ARHGAP10: variants seen among roughly 807,000 people sequenced by gnomAD.
ARHGAP10 encodes rho GTPase-activating protein 10.
ARHGAP10 carries 87 observed loss-of-function variants against 108.6 expected under a neutral mutation model. The ratio of observed to expected loss-of-function variants is 0.80; its 90% CI spans 0.67 to 0.96. The LOEUF is 0.96. ARHGAP10 is among the 40% of genes least tolerant of loss of function. ARHGAP10 has a pLI of 0.00. For missense variants in ARHGAP10, 939 were observed against 954.5 expected, an observed-to-expected ratio of 0.98 and a Z score of 0.21; for synonymous variants, 347 against 341.1, an observed-to-expected ratio of 1.02 and a Z score of -0.19.
At chr4:147,854,091 CT>C (rs754892950) in intron 4 of ARHGAP10, among the ~76,000 whole-genome samples, 2 of 151,726 alleles carry the variant, frequency 1.3e-5, no homozygotes, top group Admixed American at 6.6e-5. Context: ...TAACGTATGT[CT>C]TTTTTTTGAC....
At chr4:147,781,533 T>G (rs2126730227) in intron 1 of ARHGAP10, among the ~76,000 whole-genome samples, 1 of 152,298 alleles carries the variant, frequency 6.6e-6, no homozygotes, top group African/African-American at 2.4e-5. Context: ...ATGACATTTT[T>G]GTTTTGTTCT....
chr4:147,747,117 G>A (rs1464591631), intron 1 of ARHGAP10, among the ~76,000 whole-genome samples: 1 of 151,764 alleles, frequency 6.6e-6, no homozygotes, highest in Non-Finnish European at 1.5e-5. Flanking sequence ...TTCACACTTT[G>A]TTCTGTTGCA....
At chr4:148,002,630 G>A (rs1024071732) in intron 18 of ARHGAP10, among the ~76,000 whole-genome samples, 12 of 152,090 alleles carry the variant, frequency 7.9e-5, no homozygotes, top group African/African-American at 2.7e-4. Flanking sequence ...CTTCTTCCTG[G>A]TTTAGTCTTG....
chr4:147,913,164 C>T, intron 13 of ARHGAP10, 25 bp downstream of exon 13: 9 of 1,599,114 alleles, frequency 5.6e-6, no homozygotes, highest in Non-Finnish European at 7.7e-6. Flanking sequence ...TCATTTCATT[C>T]ATGAGAGGCT....
chr4:147,874,923 TA>T (rs1333235419), intron 7 of ARHGAP10, 97 bp from the exon 8 acceptor site: 6 of 1,262,238 alleles, frequency 4.8e-6, no homozygotes, highest in African/African-American at 3.1e-5. Flanking sequence ...TATTTAGAGT[TA>T]AAAAATGTAA....
At chr4:147,821,660 T>C (rs1732502264) in intron 1 of ARHGAP10, among the ~76,000 whole-genome samples, 1 of 152,194 alleles carries the variant, frequency 6.6e-6, no homozygotes, top group Non-Finnish European at 1.5e-5. Flanking sequence ...TATCTTCAGC[T>C]CAGTTTTACT....
chr4:147,738,592 G>C (rs975855356), intron 1 of ARHGAP10, among the ~76,000 whole-genome samples: 2 of 152,008 alleles, frequency 1.3e-5, no homozygotes, highest in Non-Finnish European at 2.9e-5. Context: ...TACTATATTG[G>C]ATTAAAAGTA....
intron 18 of ARHGAP10, among the ~76,000 whole-genome samples, chr4:148,008,619 A>G (rs1741044252): frequency 6.6e-6 from 1 of 152,080 alleles, no homozygotes; most frequent in Non-Finnish European, 1.5e-5. Context: ...CCGTCAGCAG[A>G]TTAATGTAGT....
chr4:148,015,495 G>A (rs530896540), intron 18 of ARHGAP10, among the ~76,000 whole-genome samples: 1 of 152,296 alleles, frequency 6.6e-6, no homozygotes, highest in Admixed American at 6.5e-5. Flanking sequence ...ACGTGAAACT[G>A]TAGAATATTT....
chr4:147,957,714 G>A (rs1242705316), intron 16 of ARHGAP10, among the ~76,000 whole-genome samples: 1 of 152,100 alleles, frequency 6.6e-6, no homozygotes, highest in Non-Finnish European at 1.5e-5. Flanking sequence ...GAGTTCTCAA[G>A]GTTTCTCCTG....
At chr4:147,784,023 A>G (rs1730692307) in intron 1 of ARHGAP10, among the ~76,000 whole-genome samples, 1 of 139,672 alleles carries the variant, frequency 7.2e-6, no homozygotes, top group African/African-American at 2.5e-5. Context: ...ATATAATTAT[A>G]TAACACACAT....
chr4:147,900,749 G>A (rs1736203343), intron 10 of ARHGAP10, among the ~76,000 whole-genome samples: 1 of 152,160 alleles, frequency 6.6e-6, no homozygotes, highest in South Asian at 2.1e-4. Flanking sequence ...GCTTCTCCAT[G>A]AAACAAAGAT....
chr4:147,897,727 A>G (rs1736053957), intron 10 of ARHGAP10, among the ~76,000 whole-genome samples: 1 of 152,204 alleles, frequency 6.6e-6, no homozygotes, highest in African/African-American at 2.4e-5. Flanking sequence ...TTTGAACTAC[A>G]TATGTTATGA....
chr4:147,968,381 G>A (rs78377788), intron 18 of ARHGAP10, among the ~76,000 whole-genome samples: 1 of 152,104 alleles, frequency 6.6e-6, no homozygotes, highest in African/African-American at 2.4e-5. Context: ...TTATTCTTTA[G>A]GGCAGTACTT....
At chr4:147,751,975 T>C (rs1729171517) in intron 1 of ARHGAP10, among the ~76,000 whole-genome samples, 1 of 149,270 alleles carries the variant, frequency 6.7e-6, no homozygotes, top group South Asian at 2.2e-4. Context: ...CACCTCTGAC[T>C]CCCAGGTTCA....
intron 3 of ARHGAP10, among the ~76,000 whole-genome samples, chr4:147,838,481 A>G (rs867298433): frequency 6.1e-4 from 92 of 150,558 alleles, no homozygotes; most frequent in African/African-American, 2.1e-3. Context: ...CTTAAAAAAA[A>G]AACACACACA....
chr4:147,999,454 T>C (rs1046753994), intron 18 of ARHGAP10, among the ~76,000 whole-genome samples: 1 of 152,202 alleles, frequency 6.6e-6, no homozygotes. Flanking sequence ...TGCTGTTCGC[T>C]GCCATTGCAG....
intron 18 of ARHGAP10, among the ~76,000 whole-genome samples, chr4:148,011,139 A>G (rs1477708066): frequency 6.6e-6 from 1 of 152,242 alleles, no homozygotes; most frequent in Non-Finnish European, 1.5e-5. Context: ...CAAGAGGCAC[A>G]TGACATCAGT....
intron 1 of ARHGAP10, among the ~76,000 whole-genome samples, chr4:147,812,331 T>C (rs1244098819): frequency 6.6e-6 from 1 of 152,134 alleles, no homozygotes; most frequent in African/African-American, 2.4e-5. Flanking sequence ...TTTCAGGAGG[T>C]CCAGGCCCGT....
Sources: allele counts gnomAD v4.1 joint callset (sites outside exome capture counted in the v4.1 genomes callset), GRCh38; gene constraint gnomAD v4.1.1; transcripts MANE v1.5; gene names NCBI Gene and HGNC (gene_info 2026-07-23, HGNC 2026-07-21).